Variants in ARID4B observed in about 807,000 individuals in gnomAD.
The protein encoded by ARID4B is AT-rich interaction domain 4B.
In ARID4B, 26 loss-of-function variants were observed where a neutral mutation model predicts 147.5. The ratio of observed to expected loss-of-function variants is 0.18; its 90% confidence interval spans 0.13 to 0.24. The LOEUF is 0.24. Among genes scored for constraint, ARID4B ranks in the 10% least tolerant of loss-of-function variants. The probability of loss-of-function intolerance (pLI) is 1.00; values close to 1 mark genes in which losing one functional copy is unlikely to be tolerated. For missense variants in ARID4B, 1,179 were observed against 1,511.5 expected (o/e 0.78, Z 3.65); for synonymous variants, 512 against 507.9 (o/e 1.01, Z -0.11).
At chr1:235,255,789 G>A (rs775955879) in intron 4 of ARID4B, 39 bp from the exon 5 acceptor site, 17 of 1,487,102 alleles carry the variant, frequency 1.1e-5, no homozygotes, top group Non-Finnish European at 1.5e-5. Flanking sequence ...ACTTTTAAAA[G>A]GTAAATTAAC....
chr1:235,271,484 G>A (rs766841705), intron 2 of ARID4B, among the ~76,000 whole-genome samples: 1 of 151,320 alleles, frequency 6.6e-6, no homozygotes, highest in East Asian at 1.9e-4. Context: ...ACAAAAATTA[G>A]CCAGGCATGG....
chr1:235,276,150 T>C (rs1283865194), intron 2 of ARID4B, among the ~76,000 whole-genome samples: 2 of 129,274 alleles, frequency 1.5e-5, no homozygotes, highest in African/African-American at 5.9e-5. Context: ...AGAAAAAAAA[T>C]CTTGACCAGT....
At position 235,240,392 on chromosome 1, in the gene ARID4B, A is replaced by G. The variant is rs774237096; in HGVS notation, c.506T>C (p.Ile169Thr). 47 of 1,613,394 alleles carry G rather than the reference A, an allele frequency of 2.9e-5. No homozygotes were observed. The highest frequency in any genetic ancestry group is 3.5e-5 in the Non-Finnish European group (41 of 1,179,612). Reference protein sequence around the residue: ...SDEDEDDRKQIDELLGKVVCV... With the variant: ...SDEDEDDRKQTDELLGKVVCV... ...TACAACTTTGCCTAGTAGCTCATCA[A>G]TCTGTTTCCTATCATCCTCATCTTC... The change falls in exon 8 of 24, where the codon ATT becomes ACT. Residue 169 changes from isoleucine to threonine, a missense_variant. Ile to Thr is a moderately conservative substitution (Grantham distance 89, BLOSUM62 -1). This residue lies in a region of ARID4B where 159 missense variants were observed against 190.5 expected (regional missense o/e 0.83). Transcript: ENST00000264183.
At chr1:235,220,680 GTTCT>G (rs764050372) in intron 14 of ARID4B, 135 bp from the exon 15 acceptor site, 84 of 748,850 alleles carry the variant, frequency 1.1e-4, no homozygotes, top group Admixed American at 1.0e-3. Context: ...ATTTATTCTA[GTTCT>G]TTCTAATCTT....
chr1:235,324,632 T>C (rs1365025529), intron 2 of ARID4B, among the ~76,000 whole-genome samples: 2 of 152,230 alleles, frequency 1.3e-5, no homozygotes, highest in Admixed American at 1.3e-4. Context: ...TGTAGCTCAA[T>C]GATCATCGTA....
intron 17 of ARID4B, among the ~76,000 whole-genome samples, chr1:235,206,484 A>C (rs1199744102): frequency 6.6e-6 from 1 of 152,214 alleles, no homozygotes; most frequent in Non-Finnish European, 1.5e-5. Context: ...AAAATGTTAA[A>C]TGGATATCAG....
chr1:235,272,842 AAAG>A (rs1260709720), intron 2 of ARID4B, among the ~76,000 whole-genome samples: 1 of 152,122 alleles, frequency 6.6e-6, no homozygotes, highest in Non-Finnish European at 1.5e-5. Flanking sequence ...CATTCTTTTT[AAAG>A]AAGATTTTGT....
At chr1:235,293,910 T>G (rs1672501744) in intron 2 of ARID4B, among the ~76,000 whole-genome samples, 1 of 152,246 alleles carries the variant, frequency 6.6e-6, no homozygotes, top group Non-Finnish European at 1.5e-5. Flanking sequence ...TCTGGAAGTC[T>G]GACTTTATGT....
At chr1:235,319,569 T>G (rs1012283152) in intron 2 of ARID4B, among the ~76,000 whole-genome samples, 1 of 152,210 alleles carries the variant, frequency 6.6e-6, no homozygotes, top group Non-Finnish European at 1.5e-5. Context: ...TCATTTTTTT[T>G]AATTAAAAAA....
At chr1:235,300,467 A>G (rs978454922) in intron 2 of ARID4B, among the ~76,000 whole-genome samples, 1 of 151,730 alleles carries the variant, frequency 6.6e-6, no homozygotes, top group African/African-American at 2.4e-5. Context: ...ATTGAGTTCA[A>G]CTCTATGCTC....
chr1:235,283,481 G>A lies in ARID4B; in HGVS notation c.7-22729C>T, dbSNP rs537652437. On this transcript the variant is annotated intron_variant, in intron 2 of 23. Transcript: ENST00000264183. ...TGTTAATAGTAGTTACCTCTGTAAC[G>A]TCTGAATTACGAGTGATCTTTTTCC... Among the ~76,000 whole-genome samples the A allele has an allele frequency of 7.2e-5, 11 of 152,256 alleles. No individual in the cohort carries two copies. The East Asian group carries it at 1.3e-3, about 19-fold the overall frequency.
At chr1:235,302,372 AAGAC>A (rs946838424) in intron 2 of ARID4B, among the ~76,000 whole-genome samples, 37 of 151,596 alleles carry the variant, frequency 2.4e-4, no homozygotes, top group African/African-American at 6.0e-4. Context: ...TGGGGACAGA[AAGAC>A]AGAAAGAATT....
intron 12 of ARID4B, among the ~76,000 whole-genome samples, chr1:235,223,989 A>T (rs1276087319): frequency 6.6e-6 from 1 of 152,232 alleles, no homozygotes; most frequent in Non-Finnish European, 1.5e-5. Context: ...TATATTGAAA[A>T]AGAAAATATA....
chr1:235,210,761 C>T (rs1488794924), intron 17 of ARID4B, among the ~76,000 whole-genome samples: 1 of 152,166 alleles, frequency 6.6e-6, no homozygotes, highest in Non-Finnish European at 1.5e-5. Context: ...CACAGTAACA[C>T]AAGCATGTCT....
chr1:235,320,880 G>A (rs1166047928), intron 2 of ARID4B, among the ~76,000 whole-genome samples: 2 of 152,114 alleles, frequency 1.3e-5, no homozygotes, highest in South Asian at 2.1e-4. Context: ...ATGTCATCTC[G>A]AAAAGGCCCT....
At chr1:235,305,480 G>A (rs1324798304) in intron 2 of ARID4B, among the ~76,000 whole-genome samples, 1 of 152,136 alleles carries the variant, frequency 6.6e-6, no homozygotes, top group Non-Finnish European at 1.5e-5. Flanking sequence ...ATATTAAAGA[G>A]GCAGAAACAG....
rs1229120505 is a variant in ARID4B at position 235,173,772 on chromosome 1, ATATATATATATATATATATAT to A, written c.3665-1029_3665-1009del. Among the ~76,000 whole-genome samples the A allele has an allele frequency of 6.8e-4, 10 of 14,674 alleles. No homozygotes were observed. The East Asian group carries it at 0.014, about 20-fold the overall frequency. The allele number at this position is 14,674 out of a possible 152,430, so 9.6% of individuals were successfully genotyped here. ...AAAAAAAAAAAAAAAAAAAAAAAAA[ATATATATATATATATATATAT>A]ATATATATATATATATATATGTATA... On this transcript the variant is annotated intron_variant, in intron 22 of 23. Transcript: ENST00000264183.
At chr1:235,292,690 A>T (rs1328880347) in intron 2 of ARID4B, among the ~76,000 whole-genome samples, 1 of 152,114 alleles carries the variant, frequency 6.6e-6, no homozygotes, top group Non-Finnish European at 1.5e-5. Context: ...TCTTTTTTTC[A>T]ATCACATGAC....
chr1:235,286,597 T>G (rs547608212), intron 2 of ARID4B, among the ~76,000 whole-genome samples: 1 of 152,148 alleles, frequency 6.6e-6, no homozygotes, highest in Admixed American at 6.5e-5. Flanking sequence ...TGGGTTGAAA[T>G]GAGAAACAAT....
Sources: allele counts gnomAD v4.1 joint callset (sites outside exome capture counted in the v4.1 genomes callset), GRCh38; gene constraint gnomAD v4.1.1; regional missense constraint gnomAD v4.1.1; transcripts MANE v1.5; gene names NCBI Gene and HGNC (gene_info 2026-07-23, HGNC 2026-07-21).